SNX13: variants seen among roughly 807,000 people sequenced by gnomAD.
SNX13 encodes the protein sorting nexin-13.
In SNX13, 45 loss-of-function variants were observed where a neutral mutation model predicts 133.6. The ratio of observed to expected loss-of-function variants is 0.34; its 90% CI spans 0.27 to 0.43. The LOEUF is 0.43. SNX13 is among the 20% of genes least tolerant of loss of function. The pLI, the probability that SNX13 is intolerant of heterozygous loss-of-function variation, is 1.00. For missense variants in SNX13, 1,032 were observed against 1,145.1 expected (o/e 0.90, Z 1.43); for synonymous variants, 414 against 373.9 (o/e 1.11, Z -1.24).
rs113504775 is a variant in SNX13, at chr7:17,842,197, A to G, written c.1166-2197T>C. 1.8e-4 allele frequency among the ~76,000 whole-genome samples: 28 copies of G among 152,190 alleles called. 2 individuals carry two copies. Among genetic ancestry groups the G allele is most frequent in the African/African-American group, 6.7e-4 (28 of 41,576 alleles). ...GAGACACATTATAATTCAACTTTCA[A>G]AAAATAAATCATCCAAAAGCAGAAA... On this transcript the variant is annotated intron_variant, in intron 12 of 25. Coordinates refer to ENST00000428135, the MANE Select transcript of SNX13 (RefSeq NM_015132.5).
At chr7:17,888,223 A>G (rs1237102940) in intron 5 of SNX13, 1 of 152,388 alleles carries the variant, frequency 6.6e-6, no homozygotes, top group Non-Finnish European at 1.5e-5. Flanking sequence ...TAAAGTAGTT[A>G]TTATCTGTAT....
Position 17,830,302 on chromosome 7 carries a change from T to C in SNX13, c.1598-255A>G, listed in dbSNP as rs528369172. 7.2e-5 allele frequency: 71 copies of C among 984,258 alleles called. 1 individual carries two copies. In the South Asian group the frequency reaches 3.1e-3, roughly 43 times the overall value. The allele number at this position is 984,258 out of a possible 1,614,324, so 61.0% of individuals were successfully genotyped here. ...GCCAAAAATCAAAAAGGCATTCGTG[T>C]TCAGGAGAGTAATTATTAAATGTTT... On this transcript the variant is annotated intron_variant, in intron 15 of 25. Coordinates refer to ENST00000428135, the MANE Select transcript of SNX13 (RefSeq NM_015132.5).
In SNX13 at chr7:17,939,304, C is replaced by T. The variant is rs527976407; in HGVS notation, c.12+980G>A. Among the ~76,000 whole-genome samples, 3 of 152,302 alleles carry T rather than the reference C, an allele frequency of 2.0e-5. No homozygotes were observed. The South Asian group carries it at 6.2e-4, about 32-fold the overall frequency. On this transcript the variant is annotated intron_variant, in intron 1 of 25. Transcript: ENST00000428135. ...GTTCAGCCCATAAAAATGCCCAATC[C>T]GGTCAGTTCCTCACGTCAGGATCCT...
intron 1 of SNX13, among the ~76,000 whole-genome samples, chr7:17,914,531 T>G (rs1214347006): frequency 6.6e-6 from 1 of 152,188 alleles, no homozygotes; most frequent in African/African-American, 2.4e-5. Flanking sequence ...AGCGGACTTC[T>G]CAGCAGAAAT....
intron 20 of SNX13, among the ~76,000 whole-genome samples, chr7:17,813,748 A>T (rs2128296850): frequency 6.6e-6 from 1 of 151,926 alleles, no homozygotes; most frequent in South Asian, 2.1e-4. Context: ...CACCATGCCC[A>T]GCTAGTATTT....
At chr7:17,840,109 C>T in intron 12 of SNX13, 109 bp from the exon 13 acceptor site, 1 of 827,116 alleles carries the variant, frequency 1.2e-6, no homozygotes, top group Non-Finnish European at 1.7e-6. Flanking sequence ...GTTTAAAACT[C>T]CACATTTTGA....
At chr7:17,850,457 A>G in intron 10 of SNX13, 22 bp from the exon 11 acceptor site, 2 of 1,398,424 alleles carry the variant, frequency 1.4e-6, no homozygotes, top group Non-Finnish European at 1.9e-6. Flanking sequence ...GAAATCATGA[A>G]CTAGAAAGTG....
At chr7:17,849,792 A>G (rs1307633226) in intron 11 of SNX13, among the ~76,000 whole-genome samples, 1 of 152,162 alleles carries the variant, frequency 6.6e-6, no homozygotes, top group Non-Finnish European at 1.5e-5. Context: ...AAAATACATC[A>G]CAGGACTAAC....
chr7:17,796,622 T>G, intron 25 of SNX13: 1 of 489,114 alleles, frequency 2.0e-6, no homozygotes, highest in Non-Finnish European at 3.7e-6. Context: ...TATAAAGCGG[T>G]GATGTTAACA....
chr7:17,897,467 A>G, intron 1 of SNX13, 21 bp from the exon 2 acceptor site: 2 of 1,351,338 alleles, frequency 1.5e-6, no homozygotes, highest in Non-Finnish European at 1.0e-6. Context: ...GAAAAAATAT[A>G]AGTAAATTAG....
chr7:17,842,366 A>G (rs927682500), intron 12 of SNX13, among the ~76,000 whole-genome samples: 2 of 152,032 alleles, frequency 1.3e-5, no homozygotes, highest in Non-Finnish European at 2.9e-5. Context: ...TGGCAAAACT[A>G]TACTTCAAAA....
chr7:17,890,618 T>G, intron 4 of SNX13, 134 bp from the exon 5 acceptor site: 1 of 500,556 alleles, frequency 2.0e-6, no homozygotes, highest in Non-Finnish European at 3.2e-6. Context: ...GGTAAATACC[T>G]GCCCTCATTA....
At chr7:17,857,835 AGTGG>A (rs1463102258) in intron 9 of SNX13, among the ~76,000 whole-genome samples, 3 of 152,180 alleles carry the variant, frequency 2.0e-5, no homozygotes, top group African/African-American at 4.8e-5. Context: ...ACCATGATTA[AGTGG>A]GTGGGATTCA....
chr7:17,823,596 T>G (rs1393441924), intron 17 of SNX13, among the ~76,000 whole-genome samples: 2 of 152,210 alleles, frequency 1.3e-5, no homozygotes, highest in East Asian at 3.8e-4. Flanking sequence ...GTTTCTGATT[T>G]AACAAAGTAT....
chr7:17,940,187 G>A (rs1446463362), intron 1 of SNX13, 97 bp downstream of exon 1: 2 of 1,507,550 alleles, frequency 1.3e-6, no homozygotes, highest in Admixed American at 2.0e-5. Flanking sequence ...ACGGCGAAGG[G>A]TCAGGCCCAC....
In SNX13 at chr7:17,861,025, CT is replaced by C. The variant is rs539150851; in HGVS notation, c.837+7381del. ...AGTATGTGTTTCCATTTATTTGTGTCTTTTTTTTGTGATGGGGTCTTGCTCT... is the reference window on the plus strand; with the variant it reads ...AGTATGTGTTTCCATTTATTTGTGTCTTTTTTTGTGATGGGGTCTTGCTCT... On this transcript the variant is annotated intron_variant, in intron 9 of 25. Transcript: ENST00000428135. Among the ~76,000 whole-genome samples, 35 of 151,818 alleles carry C rather than the reference CT, an allele frequency of 2.3e-4. No individual in the cohort carries two copies. In the South Asian group the frequency reaches 3.7e-3, roughly 16 times the overall value.
intron 9 of SNX13, among the ~76,000 whole-genome samples, chr7:17,853,800 G>C (rs2128329299): frequency 6.6e-6 from 1 of 152,190 alleles, no homozygotes; most frequent in East Asian, 1.9e-4. Flanking sequence ...AAATTAGCCA[G>C]GCATGCTGGT....
rs753082540 is a variant in SNX13 at position 17,940,382 on chromosome 7, C to G, written c.-87G>C. On this transcript the variant is annotated 5_prime_UTR_variant, in exon 1 of 26. Transcript: ENST00000428135. The stretch of plus-strand genomic sequence containing the variant: ...CAGCGAAAACTGCTCGGGCCGCCGC[C>G]AACGGCGGCAACTGCTCCTTCAGTC... The G allele has an allele frequency of 1.4e-6, 2 of 1,425,092 alleles. No individual in the cohort carries two copies. The highest frequency in any genetic ancestry group is 1.2e-5 in the South Asian group (1 of 81,528). 88.3% of individuals were successfully genotyped at this position (1,425,092 alleles called of 1,614,324 possible).
chr7:17,833,317 C>A (rs1304326586), intron 15 of SNX13, among the ~76,000 whole-genome samples: 3 of 151,536 alleles, frequency 2.0e-5, no homozygotes, highest in African/African-American at 7.3e-5. Context: ...CTTTATAAAT[C>A]ATTTTCAAAT....
Sources: gnomAD v4.1 joint callset for allele counts (sites outside exome capture counted in the v4.1 genomes callset) on GRCh38, gnomAD v4.1.1 for gene constraint, MANE v1.5 for transcripts, NCBI Gene and HGNC (gene_info 2026-07-23, HGNC 2026-07-21) for gene names.